Variants in HAP1 observed in about 807,000 individuals in gnomAD.
HAP1 encodes the protein huntingtin associated protein 1.
HAP1 carries 59 observed loss-of-function variants against 60.3 expected under a neutral mutation model. That is an observed-to-expected ratio of 0.98 (90% CI 0.79 to 1.22). The LOEUF (loss-of-function observed/expected upper bound fraction) is 1.22. HAP1 is among the 50% of genes most tolerant of loss of function. HAP1 has a pLI of 0.00. For missense variants in HAP1, 825 were observed against 785.3 expected, an observed-to-expected ratio of 1.05 and a Z score of -0.60; for synonymous variants, 346 against 330.6, an observed-to-expected ratio of 1.05 and a Z score of -0.50.
In HAP1 at chr17:41,728,265, C is replaced by T. The variant is rs782744612; in HGVS notation, c.1136G>A (p.Arg379Gln). 8 of 1,613,532 alleles carry T rather than the reference C, an allele frequency of 5.0e-6. No individual in the cohort carries two copies. In the East Asian group the frequency reaches 1.3e-4, roughly 27 times the overall value. ...CAGCCGAGCGACCTCCTGCTGCTGC[C>T]GTTCATAGTTTTCCAGCCTGAGCAC... is the stretch of plus-strand genomic sequence containing the variant. ...VLVLRLENYE[R>Q]QQQEVARLQA... The change falls in exon 7 of 11, where the codon CGG (arginine) becomes CAG (glutamine). Residue 379 changes from arginine (R) to glutamine (Q), a missense_variant. Physicochemically the swap from Arg to Gln is conservative, Grantham distance 43 (BLOSUM62 1). Transcript: ENST00000347901.
downstream of HAP1, chr17:41,718,059 A>C (rs748308348): frequency 6.3e-5 from 29 of 459,918 alleles, no homozygotes; most frequent in Non-Finnish European, 1.2e-4. Flanking sequence ...AGAGAAAAGC[A>C]AACAAGTTTA....
In HAP1 at chr17:41,734,441, C is replaced by A; in HGVS notation, c.194G>T (p.Arg65Leu). ...TSGSQFLSEA[R>L]TGARPASEAG... is the part of the protein sequence containing the mutation. ...CTCCGAGGCCGGGCGAGCTCCGGTG[C>A]GGGCTTCCGAGAGGAACTGGGATCC... The change falls in exon 1 of 11, where the codon CGC becomes CTC. Residue 65 changes from arginine to leucine, a missense_variant. Arg to Leu is a moderately radical substitution (Grantham distance 102). Coordinates refer to ENST00000347901, the MANE Select transcript of HAP1 (RefSeq NM_177977.3). 1 of 1,608,450 alleles carries A rather than the reference C, an allele frequency of 6.2e-7. No homozygotes were observed. Among genetic ancestry groups the A allele is most frequent in the Non-Finnish European group, 8.5e-7 (1 of 1,176,534 alleles).
At chr17:41,733,334 G>A (rs546883114) in intron 1 of HAP1, among the ~76,000 whole-genome samples, 7 of 140,574 alleles carry the variant, frequency 5.0e-5, no homozygotes, top group Non-Finnish European at 1.1e-4. Context: ...GATTACAGGC[G>A]TCAGCCACCG....
In HAP1 at chr17:41,728,298, T is replaced by A. The variant is rs1555589557; in HGVS notation, c.1103A>T (p.Glu368Val). 1 of 1,613,574 alleles carries A rather than the reference T, an allele frequency of 6.2e-7. No homozygotes were observed. The highest frequency in any genetic ancestry group is 8.5e-7 in the Non-Finnish European group (1 of 1,179,972). ...GTTTTCCAGCCTGAGCACCAGCACC[T>A]CCGACAGCTCAGCCATCTGTTGGCT... Reference protein sequence around the residue: ...EASQQMAELSEVLVLRLENYE... With the variant: ...EASQQMAELSVVLVLRLENYE... The change falls in exon 7 of 11, where the codon GAG becomes GTG. Residue 368 changes from glutamate (E) to valine (V), a missense_variant. Coordinates refer to ENST00000347901, the MANE Select transcript of HAP1 (RefSeq NM_177977.3).
At chr17:41,727,178 C>T (rs782633188) in intron 8 of HAP1, 34 bp from the exon 9 acceptor site, 6 of 1,086,250 alleles carry the variant, frequency 5.5e-6, no homozygotes, top group African/African-American at 3.1e-5. Context: ...ACCAGAGGAC[C>T]CCCACAGAAC....
intron 6 of HAP1, chr17:41,730,453 G>C (rs1304304404): frequency 1.3e-5 from 2 of 152,216 alleles, no homozygotes; most frequent in East Asian, 3.9e-4. Context: ...AGAAGTTCCT[G>C]GTAGGGCGCG....
At chr17:41,730,788 G>T (rs1912133522) in intron 6 of HAP1, among the ~76,000 whole-genome samples, 1 of 152,206 alleles carries the variant, frequency 6.6e-6, no homozygotes, top group Non-Finnish European at 1.5e-5. Flanking sequence ...CTAGGACGAT[G>T]CCAGGCACAG....
At chr17:41,729,021 G>A (rs1028309565) in intron 6 of HAP1, among the ~76,000 whole-genome samples, 18 of 152,044 alleles carry the variant, frequency 1.2e-4, no homozygotes, top group African/African-American at 4.3e-4. Context: ...TTGGCTCACT[G>A]TAACTGCCGC....
At chr17:41,734,117 G>C (rs1912492921) in intron 1 of HAP1, 49 bp downstream of exon 1, 1 of 1,447,410 alleles carries the variant, frequency 6.9e-7, no homozygotes, top group Admixed American at 2.2e-5. Flanking sequence ...TTCCTCCCTG[G>C]AGTTGCCCCA....
chr17:41,732,120 T>C lies in HAP1; in HGVS notation c.715-2A>G, dbSNP rs138213004. On this transcript the variant is annotated splice_acceptor_variant, in intron 3 of 10. Transcript: ENST00000347901. LOFTEE classifies it high-confidence loss of function. ...CACCTGGTGTCTGAGGTATAAAATCTGGCAGGAAGAGAGAGGAGCCATGGG... is the reference window on the plus strand; with the variant it reads ...CACCTGGTGTCTGAGGTATAAAATCCGGCAGGAAGAGAGAGGAGCCATGGG... 1.6e-5 allele frequency: 26 copies of C among 1,613,556 alleles called. No homozygotes were observed. The African/African-American group carries it at 3.2e-4, about 20-fold the overall frequency.
chr17:41,733,906 CCGCA>C (rs1361094861), intron 1 of HAP1, among the ~76,000 whole-genome samples: 1 of 152,060 alleles, frequency 6.6e-6, no homozygotes, highest in East Asian at 1.9e-4. Context: ...TGCAGATCTG[CCGCA>C]GCAAGAGGCG....
Position 41,732,374 on chromosome 17 carries a change from C to T in HAP1, c.570G>A (p.Glu190=). The part of the protein sequence containing the change: ...LLEELLPPVW[E]SVTYGMVLQR... ...GCAGGACCATCCCATAGGTAACGCTCTCCCAGACAGGTGGGAGAAGCTGGG... is the reference window on the plus strand; with the variant it reads ...GCAGGACCATCCCATAGGTAACGCTTTCCCAGACAGGTGGGAGAAGCTGGG... The change falls in exon 3 of 11, where the codon GAG becomes GAA. Residue 190 remains glutamate (E), a synonymous_variant. Transcript: ENST00000347901. 5 of 1,614,104 alleles carry T rather than the reference C, an allele frequency of 3.1e-6. No individual in the cohort carries two copies. The highest frequency in any genetic ancestry group is 4.2e-6 in the Non-Finnish European group (5 of 1,180,008).
intron 1 of HAP1, 144 bp from the exon 2 acceptor site, chr17:41,732,942 C>T (rs1912342790): frequency 1.5e-6 from 1 of 645,466 alleles, no homozygotes; most frequent in Admixed American, 2.2e-5. Context: ...CCCCTCCTGC[C>T]CCCCACATCC....
At chr17:41,719,431 G>A (rs561559724), downstream of HAP1, among the ~76,000 whole-genome samples, 4 of 152,264 alleles carry the variant, frequency 2.6e-5, no homozygotes, top group Admixed American at 1.3e-4. Flanking sequence ...AGTGGCTCAC[G>A]TCTGTCATCC....
Position 41,727,776 on chromosome 17 carries a change from G to A in HAP1, c.1261C>T (p.Gln421Ter), listed in dbSNP as rs782475616. ...QLASEKEIQM[Q>*]LQEEETLPGF... ...GCGAGACTCACCTCTTCCTGGAGCTGCATCTGGATTTCCTTCTCCGAAGCC... is the reference window on the plus strand; with the variant it reads ...GCGAGACTCACCTCTTCCTGGAGCTACATCTGGATTTCCTTCTCCGAAGCC... Residue 421 changes from glutamine (Q) to a stop codon, truncating the protein, a stop_gained, in exon 8 of 11, where the codon CAG (glutamine) becomes TAG (stop). Coordinates refer to ENST00000347901, the MANE Select transcript of HAP1 (RefSeq NM_177977.3). LOFTEE classifies it high-confidence loss of function. 1.2e-6 allele frequency: 2 copies of A among 1,609,612 alleles called. No homozygotes were observed. Among genetic ancestry groups the A allele is most frequent in the African/African-American group, 1.3e-5 (1 of 74,986 alleles).
At position 41,723,450 on chromosome 17, in the gene HAP1, C is replaced by A. The variant is rs567855966; in HGVS notation, c.*1251G>T. 1.4e-3 allele frequency: 204 copies of A among 141,630 alleles called. 1 individual carries two copies. Among genetic ancestry groups the A allele is most frequent in the Admixed American group, 6.7e-3 (91 of 13,508 alleles). 8.8% of individuals were successfully genotyped at this position (141,630 alleles called of 1,614,324 possible). On this transcript the variant is annotated 3_prime_UTR_variant, in exon 11 of 11. Transcript: ENST00000347901. ...CATTTCAGAGGATGGGAAGGAGGGT[C>A]TGCGGGTGTGGGGCTTGGCCAGGCA...
chr17:41,729,379 A>G (rs111416082), intron 6 of HAP1, among the ~76,000 whole-genome samples: 40,357 of 144,994 alleles, frequency 0.28, 6,280 homozygotes, highest in Non-Finnish European at 0.36. Context: ...GTGAAACCCC[A>G]TCTCTACTAA....
At chr17:41,726,613 A>G (rs1283016651) in intron 9 of HAP1, among the ~76,000 whole-genome samples, 2 of 151,666 alleles carry the variant, frequency 1.3e-5, no homozygotes, top group Non-Finnish European at 2.9e-5. Flanking sequence ...CTGTAATCCC[A>G]GCACTTTGGG....
intron 1 of HAP1, among the ~76,000 whole-genome samples, chr17:41,733,038 G>GTTTTTTTTTTTTTTTTTGTTTTT (rs10679002): frequency 9.3e-6 from 1 of 107,216 alleles, no homozygotes; most frequent in Non-Finnish European, 1.8e-5. Context: ...GTTTTTTTTG[G>GTTTTTTTTTTTTTTTTTGTTTTT]TTTTTTTTTT....
Sources: allele counts gnomAD v4.1 joint callset (sites outside exome capture counted in the v4.1 genomes callset), GRCh38; gene constraint gnomAD v4.1.1; transcripts MANE v1.5; gene names NCBI Gene and HGNC (gene_info 2026-07-23, HGNC 2026-07-21).